The following ATP2A1 variants were observed in gnomAD, a reference collection of about 807,000 sequenced individuals.
ATP2A1 encodes ATPase sarcoplasmic/endoplasmic reticulum Ca2+ transporting 1.
Under a neutral mutation model 109.5 loss-of-function variants are expected in ATP2A1, and 83 were observed. The observed-to-expected ratio is 0.76, with a 90% CI of 0.63 to 0.91. The LOEUF (loss-of-function observed/expected upper bound fraction) is 0.91. Ranked by LOEUF, ATP2A1 falls within the 40% of genes least tolerant of loss-of-function variation. The pLI, the probability that ATP2A1 is intolerant of heterozygous loss-of-function variation, is 0.00. For missense variants in ATP2A1, 1,101 were observed against 1,341.0 expected, an observed-to-expected ratio of 0.82 and a Z score of 2.80; for synonymous variants, 505 against 537.6, an observed-to-expected ratio of 0.94 and a Z score of 0.84.
Position 28,878,593 on chromosome 16 carries a change from A to C in ATP2A1, c.-79A>C. 1 of 1,186,630 alleles carries C rather than the reference A, an allele frequency of 8.4e-7. No individual in the cohort carries two copies. The highest frequency in any genetic ancestry group is 1.5e-5 in the African/African-American group (1 of 66,068). 73.5% of individuals were successfully genotyped at this position (1,186,630 alleles called of 1,614,324 possible). On this transcript the variant is annotated 5_prime_UTR_variant, in exon 1 of 23. Transcript: ENST00000395503. ...GAAACCCAGGCAGACAGGCAGTTGG[A>C]CACACTGAGGAAGACCCCCCACGAG...
chr16:28,895,705 A>G (rs1265669471), intron 12 of ATP2A1, among the ~76,000 whole-genome samples: 2 of 151,908 alleles, frequency 1.3e-5, no homozygotes, highest in African/African-American at 2.4e-5. Context: ...AAGAAAAAAA[A>G]AAGAAAAAAA....
intron 9 of ATP2A1, among the ~76,000 whole-genome samples, chr16:28,889,209 A>G (rs1050025317): frequency 2.6e-5 from 4 of 152,114 alleles, no homozygotes; most frequent in Admixed American, 2.6e-4. Context: ...ATCCCTCACA[A>G]TAGCCCATTC....
At chr16:28,885,500 C>T (rs905324083) in intron 6 of ATP2A1, among the ~76,000 whole-genome samples, 11 of 152,056 alleles carry the variant, frequency 7.2e-5, no homozygotes, top group Non-Finnish European at 1.6e-4. Flanking sequence ...TCCACCATCA[C>T]ACCCGGCTAA....
At chr16:28,901,328 CAAAAAAAAAAA>C (rs768320423) in intron 15 of ATP2A1, among the ~76,000 whole-genome samples, 1 of 55,922 alleles carries the variant, frequency 1.8e-5, no homozygotes, top group Non-Finnish European at 3.8e-5. Context: ...GACCCTGTCT[CAAAAAAAAAAA>C]AAAAAAAAAA....
chr16:28,880,788 G>T lies in ATP2A1; in HGVS notation c.220-127G>T, dbSNP rs1963447804. On this transcript the variant is annotated intron_variant, in intron 3 of 22. Transcript: ENST00000395503. The surrounding 1 kb of genome is among the most constrained non-coding windows in gnomAD (Gnocchi z 4.2). ...GGATGTGGGGCCACAGCGCCCCGAC[G>T]GTGCCCGGCCCTCCTGCTGGCTCCT... 2 of 903,152 alleles carry T rather than the reference G, an allele frequency of 2.2e-6. No homozygotes were observed. Among genetic ancestry groups the T allele is most frequent in the African/African-American group, 1.6e-5 (1 of 61,196 alleles). 55.9% of individuals were successfully genotyped at this position (903,152 alleles called of 1,614,324 possible). A position where few individuals can be genotyped will look rare whatever the true frequency, so the allele number is the denominator to read the frequency against.
chr16:28,878,548 G>A lies in ATP2A1; in HGVS notation c.-124G>A, dbSNP rs1376270587. The A allele has an allele frequency of 7.0e-6, 6 of 852,600 alleles. No homozygotes were observed. Among genetic ancestry groups the A allele is most frequent in the African/African-American group, 3.3e-5 (2 of 59,738 alleles). The allele number at this position is 852,600 out of a possible 1,614,324, so 52.8% of individuals were successfully genotyped here. A position where few individuals can be genotyped will look rare whatever the true frequency, so the allele number is the denominator to read the frequency against. On this transcript the variant is annotated 5_prime_UTR_variant, in exon 1 of 23. Coordinates refer to ENST00000395503, the MANE Select transcript of ATP2A1 (RefSeq NM_004320.6). Reference sequence around the variant, plus strand: ...TGTGGAGGGAAGAAAAACCTGGAGGGGGCAGGAGAGTAAAAAGAAGAAACC... The same window carrying A: ...TGTGGAGGGAAGAAAAACCTGGAGGAGGCAGGAGAGTAAAAAGAAGAAACC...
At chr16:28,882,303 A>C (rs1963510292) in intron 4 of ATP2A1, 148 bp from the exon 5 acceptor site, 2 of 1,208,322 alleles carry the variant, frequency 1.7e-6, no homozygotes, top group Non-Finnish European at 2.4e-6. Flanking sequence ...AAACCCTCTC[A>C]CCTGTTTTCA....
chr16:28,881,820 G>A (rs1963493512), intron 4 of ATP2A1, among the ~76,000 whole-genome samples: 4 of 144,158 alleles, frequency 2.8e-5, no homozygotes, highest in South Asian at 2.2e-4. Context: ...AAAAAAGAGA[G>A]AAATAGCACT....
At chr16:28,888,069 G>A (rs1303319597) in intron 8 of ATP2A1, among the ~76,000 whole-genome samples, 1 of 152,152 alleles carries the variant, frequency 6.6e-6, no homozygotes, top group Non-Finnish European at 1.5e-5. Context: ...CCAAAGTGCT[G>A]GGATTACAGG....
At position 28,883,813 on chromosome 16, in the gene ATP2A1, T is replaced by G; in HGVS notation, c.464-762T>G. Among the ~76,000 whole-genome samples the G allele has an allele frequency of 6.6e-6, 1 of 152,024 alleles. No homozygotes were observed. The highest frequency in any genetic ancestry group is 2.1e-4 in the South Asian group (1 of 4,824). On this transcript the variant is annotated intron_variant, in intron 5 of 22. Transcript: ENST00000395503. The surrounding 1 kb of genome is among the most constrained non-coding windows in gnomAD (Gnocchi z 5.2). ...GCTTCTCTCCTGTCCCATCCCATCCTGTCTTGTCCATGTCCCCAGCTCACT... is the reference window on the plus strand; with the variant it reads ...GCTTCTCTCCTGTCCCATCCCATCCGGTCTTGTCCATGTCCCCAGCTCACT...
At position 28,898,356 on chromosome 16, in the gene ATP2A1, G is replaced by GAC. The variant is rs1433893346; in HGVS notation, c.1672_1673dup (p.Leu559ProfsTer34). ...GATCAAGGAGTGGGGCACTGGCCGGGACACCCTGCGCTGCTTGGCCCTGGC... is the reference window on the plus strand; with the variant it reads ...GATCAAGGAGTGGGGCACTGGCCGGGACACACCCTGCGCTGCTTGGCCCTGGC... On this transcript the variant is annotated frameshift_variant, in exon 14 of 23. Transcript: ENST00000395503. LOFTEE classifies it high-confidence loss of function. This position sits in a 1 kb window ranked among gnomAD's most constrained non-coding sequence, Gnocchi z 4.0. The GAC allele has an allele frequency of 2.0e-5, 33 of 1,614,080 alleles. No homozygotes were observed. The highest frequency in any genetic ancestry group is 2.7e-5 in the African/African-American group (2 of 74,938).
chr16:28,902,187 C>T lies in ATP2A1; in HGVS notation c.2325C>T (p.Ile775=). 6.2e-7 allele frequency: 1 copy of T among 1,614,160 alleles called. No homozygotes were observed. The highest frequency in any genetic ancestry group is 8.5e-7 in the Non-Finnish European group (1 of 1,180,006). Reference sequence around the variant, plus strand: ...TGTGACCACCTCCTTCCCACAGTATCTTCCTGACCGCTGCCCTGGGGCTGC... The same window carrying T: ...TGTGACCACCTCCTTCCCACAGTATTTTCCTGACCGCTGCCCTGGGGCTGC... The part of the protein sequence containing the change: ...ISSNVGEVVC[I]FLTAALGLPE... The change falls in exon 17 of 23, where the codon ATC becomes ATT. Residue 775 remains isoleucine, a synonymous_variant. Coordinates refer to ENST00000395503, the MANE Select transcript of ATP2A1 (RefSeq NM_004320.6). This position sits in a 1 kb window ranked among gnomAD's most constrained non-coding sequence, Gnocchi z 4.8.
At chr16:28,891,204 G>A (rs1440693272) in intron 9 of ATP2A1, among the ~76,000 whole-genome samples, 1 of 152,024 alleles carries the variant, frequency 6.6e-6, no homozygotes, top group African/African-American at 2.4e-5. Flanking sequence ...GCTGAGGCAG[G>A]AGAATCACTT....
intron 9 of ATP2A1, among the ~76,000 whole-genome samples, chr16:28,889,591 G>A (rs1345923396): frequency 1.3e-5 from 2 of 152,126 alleles, no homozygotes; most frequent in African/African-American, 4.8e-5. Context: ...AAAAGCCTCT[G>A]AGAGATTAAA....
chr16:28,886,004 A>T (rs1310043108), intron 6 of ATP2A1, among the ~76,000 whole-genome samples: 1 of 151,418 alleles, frequency 6.6e-6, no homozygotes, highest in Non-Finnish European at 1.5e-5. Flanking sequence ...CATCTCTATA[A>T]AAAAAAAATT....
rs989031850 is a variant in ATP2A1, at chr16:28,885,268, CA to C, written c.544+617del. On this transcript the variant is annotated intron_variant, in intron 6 of 22. Transcript: ENST00000395503. The stretch of plus-strand genomic sequence containing the variant: ...CCATCTCAAAAAAAAAAAAAAAAGA[CA>C]AAACAAAACAAAACCCAGCACTGGG... Among the ~76,000 whole-genome samples, 262 of 149,338 alleles carry C rather than the reference CA, an allele frequency of 1.8e-3. 2 individuals are homozygous for C. The highest frequency in any genetic ancestry group is 3.4e-3 in the Non-Finnish European group (225 of 67,106).
chr16:28,901,328 CAA>C (rs768320423), intron 15 of ATP2A1, among the ~76,000 whole-genome samples: 107 of 55,920 alleles, frequency 1.9e-3, no homozygotes, highest in African/African-American at 5.1e-3. Flanking sequence ...GACCCTGTCT[CAA>C]AAAAAAAAAA....
Position 28,903,058 on chromosome 16 carries a change from A to G in ATP2A1, c.2773A>G (p.Met925Val), listed in dbSNP as rs1398019387. 1 of 1,613,304 alleles carries G rather than the reference A, an allele frequency of 6.2e-7. No individual in the cohort carries two copies. The highest frequency in any genetic ancestry group is 1.3e-5 in the African/African-American group (1 of 74,724). Residue 925 changes from methionine to valine, a missense_variant, in exon 20 of 23, where the codon ATG becomes GTG. Physicochemically the swap from Met to Val is conservative, Grantham distance 21. Coordinates refer to ENST00000395503, the MANE Select transcript of ATP2A1 (RefSeq NM_004320.6). This position sits in a 1 kb window ranked among gnomAD's most constrained non-coding sequence, Gnocchi z 5.6. Reference sequence around the variant, plus strand: ...GTCCGAGAACCAGTCCCTGCTGCGGATGCCACCCTGGGTGAACATCTGGCT... The same window carrying G: ...GTCCGAGAACCAGTCCCTGCTGCGGGTGCCACCCTGGGTGAACATCTGGCT... ...SLSENQSLLR[M>V]PPWVNIWLLG...
intron 12 of ATP2A1, among the ~76,000 whole-genome samples, chr16:28,896,300 C>T (rs1392308846): frequency 6.6e-6 from 1 of 152,182 alleles, no homozygotes. Flanking sequence ...GATCTCAGCT[C>T]ACCACAACCT....
Sources: gnomAD v4.1 joint callset for allele counts (sites outside exome capture counted in the v4.1 genomes callset) on GRCh38, gnomAD v4.1.1 for gene constraint, Gnocchi (gnomAD v3.1) non-coding constraint, MANE v1.5 for transcripts, NCBI Gene and HGNC (gene_info 2026-07-23, HGNC 2026-07-21) for gene names.